SBNO1: variants seen among roughly 807,000 people sequenced by gnomAD.
SBNO1 encodes protein strawberry notch homolog 1.
A neutral mutation model predicts 173.6 loss-of-function variants in SBNO1; 23 were observed. That is an observed-to-expected ratio of 0.13 (90% CI 0.10 to 0.19). The LOEUF (loss-of-function observed/expected upper bound fraction) is 0.19. Among genes scored for constraint, SBNO1 ranks in the 10% least tolerant of loss-of-function variants. The pLI, the probability that SBNO1 is intolerant of heterozygous loss-of-function variation, is 1.00. For missense variants in SBNO1, 1,238 were observed against 1,671.2 expected (o/e 0.74, Z 4.52); for synonymous variants, 632 against 571.5 (o/e 1.11, Z -1.51).
chr12:123,295,807 G>GA lies in SBNO1; in HGVS notation c.*100dup. On this transcript the variant is annotated 3_prime_UTR_variant, in exon 32 of 32. Transcript: ENST00000602398. ...AAAAAACTAACTAGAGAGCACAACTGAAAAAAATATATAATTCTTTGGAAA... is the reference window on the plus strand; with the variant it reads ...AAAAAACTAACTAGAGAGCACAACTGAAAAAAAATATATAATTCTTTGGAAA... The GA allele has an allele frequency of 2.7e-6, 4 of 1,487,718 alleles. No homozygotes were observed. Among genetic ancestry groups the GA allele is most frequent in the Admixed American group, 2.1e-5 (1 of 47,116 alleles). The allele number at this position is 1,487,718 out of a possible 1,614,324, so 92.2% of individuals were successfully genotyped here.
intron 24 of SBNO1, among the ~76,000 whole-genome samples, chr12:123,313,103 T>C (rs902991815): frequency 1.3e-4 from 19 of 151,694 alleles, no homozygotes. Flanking sequence ...CTCAGGAGGC[T>C]GAGGCAGGAG....
intron 5 of SBNO1, among the ~76,000 whole-genome samples, chr12:123,338,114 C>T (rs1394166236): frequency 6.6e-6 from 1 of 152,180 alleles, no homozygotes; most frequent in Non-Finnish European, 1.5e-5. Flanking sequence ...GTTCACTACA[C>T]AACGCTGGGC....
intron 24 of SBNO1, 149 bp from the exon 25 acceptor site, chr12:123,311,278 A>ACAAGGGCAGTTCT: frequency 1.6e-6 from 1 of 635,938 alleles, no homozygotes; most frequent in Non-Finnish European, 2.8e-6. Flanking sequence ...TGTGGAGAGA[A>ACAAGGGCAGTTCT]CTGCCCTTGT....
chr12:123,300,494 A>G (rs1234942456), intron 30 of SBNO1, among the ~76,000 whole-genome samples: 1 of 152,066 alleles, frequency 6.6e-6, no homozygotes, highest in Non-Finnish European at 1.5e-5. Context: ...CGTCTCTACT[A>G]AAAATACAAA....
At chr12:123,309,618 A>G (rs2049005828) in intron 26 of SBNO1, 35 bp from the exon 27 acceptor site, 4 of 1,605,472 alleles carry the variant, frequency 2.5e-6, no homozygotes, top group African/African-American at 1.3e-5. Context: ...AAATGTAAAA[A>G]GAACATTTTT....
chr12:123,314,041 G>T (rs181290643), intron 23 of SBNO1, among the ~76,000 whole-genome samples: 4 of 152,020 alleles, frequency 2.6e-5, no homozygotes, highest in Non-Finnish European at 5.9e-5. Context: ...CCGAGATGGC[G>T]TCATTGTGCT....
intron 28 of SBNO1, among the ~76,000 whole-genome samples, chr12:123,309,017 C>T (rs2048990748): frequency 6.6e-6 from 1 of 151,974 alleles, no homozygotes; most frequent in Non-Finnish European, 1.5e-5. Context: ...ATGAGGTGAG[C>T]TGAGATCGTG....
Position 123,336,401 on chromosome 12 carries a change from T to C in SBNO1, c.742A>G (p.Ile248Val). ...ACAAATCCCGAAGACATACATTTTA[T>C]TGGCATGTATTCTGCATAGGTTTCT... ...HAETYAEYMP[I>V]KLKIGLRHPD... Residue 248 changes from isoleucine to valine, a missense_variant, in exon 6 of 32, where the codon ATA becomes GTA. Physicochemically the swap from Ile to Val is conservative, Grantham distance 29 (BLOSUM62 3). This residue lies in a region of SBNO1 where 78 missense variants were observed against 103.3 expected (regional missense o/e 0.76). Coordinates refer to ENST00000602398, the MANE Select transcript of SBNO1 (RefSeq NM_001167856.3). 1 of 1,560,472 alleles carries C rather than the reference T, an allele frequency of 6.4e-7. No homozygotes were observed. The highest frequency in any genetic ancestry group is 1.4e-5 in the African/African-American group (1 of 73,616).
intron 1 of SBNO1, among the ~76,000 whole-genome samples, chr12:123,362,383 C>G (rs886242200): frequency 8.4e-6 from 1 of 118,722 alleles, no homozygotes; most frequent in Non-Finnish European, 1.6e-5. Flanking sequence ...TTGCAGTGAG[C>G]AGAGATCGTG....
chr12:123,309,237 T>G, intron 28 of SBNO1, 73 bp downstream of exon 28: 7 of 1,086,978 alleles, frequency 6.4e-6, no homozygotes, highest in Non-Finnish European at 8.4e-6. Flanking sequence ...AGGTACAAAG[T>G]GAAGAGACAA....
At chr12:123,303,112 A>G (rs568194890) in intron 29 of SBNO1, among the ~76,000 whole-genome samples, 15 of 152,332 alleles carry the variant, frequency 9.8e-5, no homozygotes, top group African/African-American at 3.4e-4. Flanking sequence ...CTACTTAACT[A>G]TAATTGTTTT....
rs1467691726 is a variant in SBNO1, at chr12:123,304,726, A to G, written c.3631-7T>C. ...TTTTCTTGTTGTTCCTTATCTGTTT[A>G]AAGAAAATGACAAAATATAAAGATT... On this transcript the variant is annotated splice_region_variant and splice_polypyrimidine_tract_variant and intron_variant, in intron 28 of 31. Coordinates refer to ENST00000602398, the MANE Select transcript of SBNO1 (RefSeq NM_001167856.3). 6.8e-7 allele frequency: 1 copy of G among 1,464,750 alleles called. No individual in the cohort carries two copies. The highest frequency in any genetic ancestry group is 1.4e-5 in the African/African-American group (1 of 70,266). 90.7% of individuals were successfully genotyped at this position (1,464,750 alleles called of 1,614,324 possible).
intron 20 of SBNO1, among the ~76,000 whole-genome samples, chr12:123,317,952 A>T (rs1188686760): frequency 6.6e-6 from 1 of 152,140 alleles, no homozygotes; most frequent in Admixed American, 6.6e-5. Context: ...AATACGTAAC[A>T]TTATCTTTTT....
chr12:123,351,915 A>T (rs1235446975), intron 1 of SBNO1, among the ~76,000 whole-genome samples: 1 of 152,192 alleles, frequency 6.6e-6, no homozygotes, highest in East Asian at 1.9e-4. Flanking sequence ...GCCAAGAGAA[A>T]ATAAAAAATA....
intron 16 of SBNO1, among the ~76,000 whole-genome samples, chr12:123,321,961 A>G (rs947905325): frequency 1.3e-5 from 2 of 152,226 alleles, no homozygotes; most frequent in Non-Finnish European, 2.9e-5. Context: ...CAAAAGTACT[A>G]AGTCAAGACT....
Position 123,331,367 on chromosome 12 carries a change from T to C in SBNO1, c.918A>G (p.Glu306=). 6.2e-7 allele frequency: 1 copy of C among 1,613,464 alleles called. No individual in the cohort carries two copies. Among genetic ancestry groups the C allele is most frequent in the South Asian group, 1.1e-5 (1 of 90,916 alleles). The change falls in exon 8 of 32, where the codon GAA becomes GAG. Residue 306 remains glutamate, a synonymous_variant. Transcript: ENST00000602398. ...CACGATCTCCATTAGGTAGGAAAGT[T>C]TCATGTTGCTGAAAAACAAAAGGCT... is the stretch of plus-strand genomic sequence containing the variant. ...EAITYAAQQH[E]TFLPNGDRAG... is the part of the protein sequence containing the mutation.
rs1566014927 is a variant in SBNO1, at chr12:123,291,946, T to G, written c.*3962A>C. 1.3e-5 allele frequency: 2 copies of G among 152,038 alleles called. No homozygotes were observed. Among genetic ancestry groups the G allele is most frequent in the Non-Finnish European group, 2.9e-5 (2 of 68,016 alleles). 9.4% of individuals were successfully genotyped at this position (152,038 alleles called of 1,614,324 possible). A position where few individuals can be genotyped will look rare whatever the true frequency, so the allele number is the denominator to read the frequency against. ...AAAAAAAAATGCTAGCGAGCTTGAGTTGCAGGTATTTAGGTGTGTTTCTGT... is the reference window on the plus strand; with the variant it reads ...AAAAAAAAATGCTAGCGAGCTTGAGGTGCAGGTATTTAGGTGTGTTTCTGT... On this transcript the variant is annotated 3_prime_UTR_variant, in exon 32 of 32. Coordinates refer to ENST00000602398, the MANE Select transcript of SBNO1 (RefSeq NM_001167856.3).
At chr12:123,358,505 G>A (rs1233153535) in intron 1 of SBNO1, among the ~76,000 whole-genome samples, 1 of 152,008 alleles carries the variant, frequency 6.6e-6, no homozygotes, top group South Asian at 2.1e-4. Context: ...TATAATCCCA[G>A]CACTTTGGGA....
chr12:123,309,637 C>T, intron 26 of SBNO1, 54 bp from the exon 27 acceptor site: 13 of 1,598,244 alleles, frequency 8.1e-6, no homozygotes, highest in Non-Finnish European at 1.1e-5. Context: ...TTATCAGGTA[C>T]ACACGTTTAA....
Sources: gnomAD v4.1 joint callset for allele counts (sites outside exome capture counted in the v4.1 genomes callset) on GRCh38, gnomAD v4.1.1 for gene constraint, gnomAD v4.1.1 regional missense constraint, MANE v1.5 for transcripts, NCBI Gene and HGNC (gene_info 2026-07-23, HGNC 2026-07-21) for gene names.